Variants in UBXN11 observed in about 807,000 individuals in gnomAD.
UBXN11 encodes UBX domain-containing protein 11.
A neutral mutation model predicts 62.8 loss-of-function variants in UBXN11; 47 were observed. The ratio of observed to expected loss-of-function variants is 0.75; its 90% CI spans 0.59 to 0.95. The LOEUF (loss-of-function observed/expected upper bound fraction) is 0.95. Among genes scored for constraint, UBXN11 ranks in the 40% least tolerant of loss-of-function variants. The pLI is 0.00. For missense variants in UBXN11, 638 were observed against 661.7 expected, an observed-to-expected ratio of 0.96 and a Z score of 0.39; for synonymous variants, 294 against 267.0, an observed-to-expected ratio of 1.10 and a Z score of -0.99.
chr1:26,300,791 C>CG (rs1310315373), intron 4 of UBXN11, 135 bp downstream of exon 4: 23 of 1,435,498 alleles, frequency 1.6e-5, no homozygotes, highest in Non-Finnish European at 1.4e-5. Context: ...GTCCCTGCCA[C>CG]AATCAGCCAG....
Position 26,282,521 on chromosome 1 carries a change from G to A in UBXN11, c.1341C>T (p.Thr447=). ...AFEIFSTFPP[T]LYQDDTLTLQ... ...GCGTGAGTGTATCGTCCTGGTAGAG[G>A]GTGGGCGGGAATGTGCTGAAGATCT... The change falls in exon 15 of 15, where the codon ACC becomes ACT. Residue 447 remains threonine, a synonymous_variant. Coordinates refer to ENST00000374222, the MANE Select transcript of UBXN11 (RefSeq NM_001389556.1). 2 of 1,597,928 alleles carry A rather than the reference G, an allele frequency of 1.3e-6. No individual in the cohort carries two copies. The highest frequency in any genetic ancestry group is 2.2e-5 in the East Asian group (1 of 44,536).
intron 7 of UBXN11, among the ~76,000 whole-genome samples, chr1:26,296,007 G>C (rs1046500554): frequency 2.0e-5 from 3 of 152,276 alleles, no homozygotes; most frequent in African/African-American, 7.2e-5. Context: ...GAACAGCTTG[G>C]AGTGGGAAGG....
In UBXN11 at chr1:26,312,979, CAAAAAAAAAA is replaced by C. The variant is rs55777309; in HGVS notation, c.-149+5058_-149+5067del. Among the ~76,000 whole-genome samples the C allele has an allele frequency of 2.5e-4, 12 of 48,150 alleles. No individual in the cohort carries two copies. In the East Asian group the frequency reaches 4.2e-3, roughly 17 times the overall value. The allele number at this position is 48,150 out of a possible 152,430, so 31.6% of individuals were successfully genotyped here. On this transcript the variant is annotated intron_variant, in intron 1 of 14. Coordinates refer to the UBXN11 transcript ENST00000374217. ...GGGCAACAAGAGCAAAACTCTGTCT[CAAAAAAAAAA>C]AAAAAAAAAAAAAAAGAGTGAATGA...
intron 1 of UBXN11, among the ~76,000 whole-genome samples, chr1:26,305,871 G>A (rs1452345762): frequency 1.3e-5 from 2 of 152,024 alleles, no homozygotes; most frequent in African/African-American, 2.4e-5. Context: ...CCCTTTCCAT[G>A]GCCACCGTCG....
chr1:26,294,125 C>A (rs2124652000), intron 8 of UBXN11, 80 bp downstream of exon 8: 2 of 1,575,416 alleles, frequency 1.3e-6, no homozygotes, highest in Admixed American at 1.7e-5. Flanking sequence ...ATGAGATAGG[C>A]CTCTGGGGAG....
Position 26,282,411 on chromosome 1 carries a change from C to T in UBXN11, c.1451G>A (p.Gly484Asp), listed in dbSNP as rs773032805. ...GCCGGGACCGGGACCGGGACAGGGA[C>T]CAGGACTGAATTTCAGGCTGGACTT... ...APKSSLKFSP[G>D]PCPGPGPGPS... Residue 484 changes from glycine (G) to aspartate (D), a missense_variant, in exon 15 of 15, where the codon GGT becomes GAT. Transcript: ENST00000374222. The T allele has an allele frequency of 1.2e-6, 2 of 1,604,884 alleles. No homozygotes were observed. Among genetic ancestry groups the T allele is most frequent in the South Asian group, 1.1e-5 (1 of 90,338 alleles).
rs771301364 is a variant in UBXN11, at chr1:26,294,185, G to C, written c.559+20C>G. On this transcript the variant is annotated intron_variant, in intron 8 of 14. Transcript: ENST00000374222. ...GAGAATTCCTTTTGAAGAGGGCCTG[G>C]GGCAGACGCCCTGCTCTACCTGGCT... 36 of 1,613,248 alleles carry C rather than the reference G, an allele frequency of 2.2e-5. No individual in the cohort carries two copies. Among genetic ancestry groups the C allele is most frequent in the Admixed American group, 6.7e-5 (4 of 59,988 alleles).
chr1:26,309,896 A>T (rs1325791500), upstream of UBXN11, among the ~76,000 whole-genome samples: 2 of 152,228 alleles, frequency 1.3e-5, no homozygotes, highest in African/African-American at 4.8e-5. Flanking sequence ...ACACTATTTT[A>T]AAAATTCCTA....
chr1:26,307,820 T>C (rs1006511181), upstream of UBXN11, among the ~76,000 whole-genome samples: 35 of 151,648 alleles, frequency 2.3e-4, no homozygotes, highest in Admixed American at 5.3e-4. Context: ...AGAGACGGGG[T>C]CTTGCCATGT....
At chr1:26,305,153 A>T (rs11585005) in intron 1 of UBXN11, among the ~76,000 whole-genome samples, 132,709 of 151,906 alleles carry the variant, frequency 0.87, 58,916 homozygotes, top group Non-Finnish European at 0.93. Context: ...CAGGCTGGAG[A>T]GCAATGGCGC....
intron 10 of UBXN11, chr1:26,285,251 G>A: frequency 7.5e-7 from 1 of 1,337,328 alleles, no homozygotes. Flanking sequence ...CTGTCTCCAG[G>A]GTGCCAGCAG....
At chr1:26,305,667 A>G (rs1478725372) in intron 1 of UBXN11, among the ~76,000 whole-genome samples, 2 of 70,858 alleles carry the variant, frequency 2.8e-5, no homozygotes, top group African/African-American at 1.2e-4. Flanking sequence ...ATATCTCAAT[A>G]AAGCTGTCAT....
intron 2 of UBXN11, among the ~76,000 whole-genome samples, chr1:26,302,020 C>T: frequency 6.6e-6 from 1 of 152,204 alleles, no homozygotes; most frequent in East Asian, 1.9e-4. Context: ...CAGCTCTGCT[C>T]TGCAAAGGCT....
At chr1:26,298,684 C>G (rs568069772) in intron 4 of UBXN11, among the ~76,000 whole-genome samples, 1 of 149,328 alleles carries the variant, frequency 6.7e-6, no homozygotes, top group African/African-American at 2.5e-5. Flanking sequence ...CCCAGCTACT[C>G]GAGAATCGCT....
upstream of UBXN11, among the ~76,000 whole-genome samples, chr1:26,309,181 C>A (rs1447332904): frequency 6.6e-6 from 1 of 151,978 alleles, no homozygotes; most frequent in Non-Finnish European, 1.5e-5. Context: ...GATCCGCCCA[C>A]CTCAGCCTCC....
intron 8 of UBXN11, among the ~76,000 whole-genome samples, chr1:26,291,015 G>A (rs770548406): frequency 1.3e-5 from 2 of 152,142 alleles, no homozygotes; most frequent in Non-Finnish European, 1.5e-5. Flanking sequence ...GGGGGAGAGT[G>A]AGCGATCCAG....
In UBXN11 at chr1:26,282,328, A is replaced by AGGGACTGGGGCCGGGACCGGGAGC; in HGVS notation, c.1533_1534insGCTCCCGGTCCCGGCCCCAGTCCC (p.Pro511_Cys512insAlaProGlyProGlyProSerPro). ...TGGGGGCTGGGACTGGGTCCAGGAC[A>AGGGACTGGGGCCGGGACCGGGAGC]GGGACTGGGGCCGGGACCGGGACCG... On this transcript the variant is annotated inframe_insertion, in exon 15 of 15. Transcript: ENST00000374222. 1.3e-6 allele frequency: 1 copy of AGGGACTGGGGCCGGGACCGGGAGC among 776,108 alleles called. No individual in the cohort carries two copies. The highest frequency in any genetic ancestry group is 2.2e-5 in the South Asian group (1 of 45,190). 48.1% of individuals were successfully genotyped at this position (776,108 alleles called of 1,614,324 possible).
intron 14 of UBXN11, 27 bp downstream of exon 14, chr1:26,282,622 G>GTGGCCC (rs1557678171): frequency 3.1e-6 from 5 of 1,613,428 alleles, no homozygotes; most frequent in South Asian, 2.2e-5. Flanking sequence ...GAGCCCCTCT[G>GTGGCCC]TGGCCCTGGC....
At chr1:26,293,530 A>C (rs1375998308) in intron 8 of UBXN11, among the ~76,000 whole-genome samples, 1 of 152,052 alleles carries the variant, frequency 6.6e-6, no homozygotes, top group African/African-American at 2.4e-5. Context: ...GTTCAAGACC[A>C]GCCTGGCCAA....
Sources: allele counts gnomAD v4.1 joint callset (sites outside exome capture counted in the v4.1 genomes callset), GRCh38; gene constraint gnomAD v4.1.1; transcripts MANE v1.5; gene names NCBI Gene and HGNC (gene_info 2026-07-23, HGNC 2026-07-21).